The following JAKMIP1 variants were observed in gnomAD, a reference collection of about 807,000 sequenced individuals.
JAKMIP1 encodes janus kinase and microtubule interacting protein 1.
JAKMIP1 carries 33 observed loss-of-function variants against 113.0 expected under a neutral mutation model. That is an observed-to-expected ratio of 0.29 (90% CI 0.22 to 0.39). JAKMIP1 has a LOEUF of 0.39. JAKMIP1 is among the 10% of genes least tolerant of loss of function. The pLI is 1.00. For missense variants in JAKMIP1, 813 were observed against 1,080.5 expected (o/e 0.75, Z 3.47); for synonymous variants, 480 against 459.9 (o/e 1.04, Z -0.56).
chr4:6,171,812 T>A (rs780363508), intron 1 of JAKMIP1, among the ~76,000 whole-genome samples: 8 of 152,228 alleles, frequency 5.3e-5, no homozygotes, highest in Non-Finnish European at 1.2e-4. Context: ...GCTGAATGTG[T>A]TGACAATCCC....
intron 1 of JAKMIP1, among the ~76,000 whole-genome samples, chr4:6,169,995 C>CCACCACCACCACT (rs1560314183): frequency 1.0e-5 from 1 of 97,158 alleles, no homozygotes; most frequent in East Asian, 2.8e-4. Context: ...CCACCACCAC[C>CCACCACCACCACT]ACCACCACCA....
rs185120808 is a variant in JAKMIP1 at position 6,138,141 on chromosome 4, G to A, written c.-147-25144C>T. 1.2e-4 allele frequency among the ~76,000 whole-genome samples: 18 copies of A among 152,312 alleles called. No individual in the cohort carries two copies. The highest frequency in any genetic ancestry group is 5.8e-4 in the East Asian group (3 of 5,186). On this transcript the variant is annotated intron_variant, in intron 1 of 20. Transcript: ENST00000409021. This position sits in a 1 kb window ranked among gnomAD's most constrained non-coding sequence, Gnocchi z 6.0. The stretch of plus-strand genomic sequence containing the variant: ...ACTGGCACCTACTTCCCTGTGCTCC[G>A]TCCCTCTACTTAAAGTAGCTGGACA...
intron 8 of JAKMIP1, among the ~76,000 whole-genome samples, chr4:6,074,292 G>C (rs75736828): frequency 0.025 from 3,875 of 152,340 alleles, 54 homozygotes; most frequent in Middle Eastern, 0.061. Context: ...TGGGGTGTGG[G>C]AGTGGACTGG....
At position 6,031,693 on chromosome 4, in the gene JAKMIP1, T is replaced by G. The variant is rs549322797; in HGVS notation, c.2380-1912A>C. 1.3e-5 allele frequency among the ~76,000 whole-genome samples: 2 copies of G among 152,146 alleles called. No individual in the cohort carries two copies. The highest frequency in any genetic ancestry group is 3.9e-4 in the East Asian group (2 of 5,142). On this transcript the variant is annotated intron_variant, in intron 19 of 20. Coordinates refer to ENST00000409021, the MANE Select transcript of JAKMIP1 (RefSeq NM_001099433.2). This position sits in a 1 kb window ranked among gnomAD's most constrained non-coding sequence, Gnocchi z 4.4. ...GTTCTAAGCAGGGAAATGATGAGCTTTTGATTTCAGGATGATCACGGGGCA... is the reference window on the plus strand; with the variant it reads ...GTTCTAAGCAGGGAAATGATGAGCTGTTGATTTCAGGATGATCACGGGGCA...
intron 19 of JAKMIP1, among the ~76,000 whole-genome samples, chr4:6,034,647 C>A (rs533020314): frequency 6.6e-6 from 1 of 152,204 alleles, no homozygotes; most frequent in Non-Finnish European, 1.5e-5. Context: ...ACTAAGAATA[C>A]AAAAATTAGC....
chr4:6,101,553 C>T (rs757274029), intron 3 of JAKMIP1, among the ~76,000 whole-genome samples: 28 of 151,950 alleles, frequency 1.8e-4, no homozygotes, highest in Non-Finnish European at 3.4e-4. Context: ...TCAATTTTTA[C>T]ATCAAATTTA....
rs1020298277 is a variant in JAKMIP1, at chr4:6,197,310, G to C, written c.-148+2943C>G. Among the ~76,000 whole-genome samples the C allele has an allele frequency of 1.3e-4, 20 of 152,288 alleles. 2 individuals are homozygous for C. The South Asian group carries it at 4.1e-3, about 32-fold the overall frequency. On this transcript the variant is annotated intron_variant, in intron 1 of 20. Coordinates refer to ENST00000409021, the MANE Select transcript of JAKMIP1 (RefSeq NM_001099433.2). This position sits in a 1 kb window ranked among gnomAD's most constrained non-coding sequence, Gnocchi z 6.5. Reference sequence around the variant, plus strand: ...ATGGTGGCCACTGCTCTGATCATTAGTTTCATCGTTAGCTAAAGAAGGACC... The same window carrying C: ...ATGGTGGCCACTGCTCTGATCATTACTTTCATCGTTAGCTAAAGAAGGACC...
At chr4:6,048,085 C>T (rs1267626410) in intron 16 of JAKMIP1, among the ~76,000 whole-genome samples, 1 of 152,130 alleles carries the variant, frequency 6.6e-6, no homozygotes, top group Admixed American at 6.5e-5. Flanking sequence ...ATAGATAATA[C>T]ACATAAAAAA....
intron 3 of JAKMIP1, among the ~76,000 whole-genome samples, chr4:6,092,174 C>A (rs1462374632): frequency 6.6e-6 from 1 of 152,202 alleles, no homozygotes; most frequent in Non-Finnish European, 1.5e-5. Flanking sequence ...CCCCTCCCTC[C>A]CAGCCGTCCT....
chr4:6,164,064 T>C (rs1165457819), intron 1 of JAKMIP1, among the ~76,000 whole-genome samples: 1 of 152,236 alleles, frequency 6.6e-6, no homozygotes, highest in East Asian at 1.9e-4. Flanking sequence ...ACATCATTCA[T>C]GAAGGTGGCT....
chr4:6,035,769 T>G lies in JAKMIP1; in HGVS notation c.2379+135A>C, dbSNP rs763889703. ...TGATGGGCATCTATGAAATCTTGCT[T>G]CTTGGAAACTTGCTTTACCACCAAC... On this transcript the variant is annotated intron_variant, in intron 19 of 20. Transcript: ENST00000409021. 221 of 740,852 alleles carry G rather than the reference T, an allele frequency of 3.0e-4. 2 individuals are homozygous for G. The highest frequency in any genetic ancestry group is 4.4e-4 in the Non-Finnish European group (206 of 467,546). The allele number at this position is 740,852 out of a possible 1,614,324, so 45.9% of individuals were successfully genotyped here. A position where few individuals can be genotyped will look rare whatever the true frequency, so the allele number is the denominator to read the frequency against.
intron 1 of JAKMIP1, among the ~76,000 whole-genome samples, chr4:6,144,695 A>C (rs1389371777): frequency 6.6e-6 from 1 of 152,038 alleles, no homozygotes; most frequent in Non-Finnish European, 1.5e-5. Flanking sequence ...TGATAAAAAC[A>C]CTCAGTCAGC....
chr4:6,177,836 C>A (rs897303253), intron 1 of JAKMIP1, among the ~76,000 whole-genome samples: 2 of 152,214 alleles, frequency 1.3e-5, no homozygotes, highest in African/African-American at 4.8e-5. Context: ...TGTCTCTGAG[C>A]CTCTGCACAC....
In JAKMIP1 at chr4:6,049,255, C is replaced by T. The variant is rs1390386762; in HGVS notation, c.1963-333G>A. 2.0e-5 allele frequency among the ~76,000 whole-genome samples: 3 copies of T among 152,148 alleles called. No individual in the cohort carries two copies. The highest frequency in any genetic ancestry group is 7.2e-5 in the African/African-American group (3 of 41,416). ...TTCGCCATGTTGGCCAGGCTGGTCT[C>T]GAACTCCTGACCTCAGGTGATCCGC... On this transcript the variant is annotated intron_variant, in intron 15 of 20. Transcript: ENST00000409021. The surrounding 1 kb of genome is among the most constrained non-coding windows in gnomAD (Gnocchi z 7.0).
intron 19 of JAKMIP1, among the ~76,000 whole-genome samples, chr4:6,033,897 C>A (rs1477141974): frequency 6.6e-6 from 1 of 152,130 alleles, no homozygotes; most frequent in East Asian, 1.9e-4. Context: ...CAATAGTTAA[C>A]CCTCAGGGGA....
rs75240536 is a variant in JAKMIP1 at position 6,144,827 on chromosome 4, G to T, written c.-147-31830C>A. Reference sequence around the variant, plus strand: ...CCCTTAAGATCTGGAACAAGACAAAGATGTCTGTTCTTGTCAATTCTATTC... The same window carrying T: ...CCCTTAAGATCTGGAACAAGACAAATATGTCTGTTCTTGTCAATTCTATTC... On this transcript the variant is annotated intron_variant, in intron 1 of 20. Transcript: ENST00000409021. Among the ~76,000 whole-genome samples the T allele has an allele frequency of 4.7e-4, 71 of 152,306 alleles. No homozygotes were observed. The East Asian group carries it at 0.014, about 29-fold the overall frequency.
At chr4:6,028,370 G>A (rs919376972) in intron 20 of JAKMIP1, among the ~76,000 whole-genome samples, 12 of 152,200 alleles carry the variant, frequency 7.9e-5, no homozygotes, top group Non-Finnish European at 1.5e-4. Flanking sequence ...CCGCCCCTGC[G>A]CACAGATCCT....
rs536576084 is a variant in JAKMIP1 at position 6,147,887 on chromosome 4, C to A, written c.-147-34890G>T. ...ACTTGTTCCCATCCAATTGTTCATT[C>A]ATTCAACAAATATTCATTGAGCCTC... is the stretch of plus-strand genomic sequence containing the variant. On this transcript the variant is annotated intron_variant, in intron 1 of 20. Transcript: ENST00000409021. Among the ~76,000 whole-genome samples, 13 of 152,392 alleles carry A rather than the reference C, an allele frequency of 8.5e-5. No individual in the cohort carries two copies. The East Asian group carries it at 2.5e-3, about 29-fold the overall frequency.
intron 8 of JAKMIP1, among the ~76,000 whole-genome samples, chr4:6,070,473 G>A (rs1428579738): frequency 9.8e-5 from 15 of 152,364 alleles, no homozygotes; most frequent in Admixed American, 5.2e-4. Flanking sequence ...TTCCAGGGGC[G>A]GGATAGGGTG....
Sources: allele counts gnomAD v4.1 joint callset (sites outside exome capture counted in the v4.1 genomes callset), GRCh38; gene constraint gnomAD v4.1.1; non-coding constraint Gnocchi (gnomAD v3.1); transcripts MANE v1.5; gene names NCBI Gene and HGNC (gene_info 2026-07-23, HGNC 2026-07-21).